Variants in HNRNPU observed in about 807,000 individuals in gnomAD.
The protein encoded by HNRNPU is heterogeneous nuclear ribonucleoprotein U, also known as HNRNPU antisense RNA 1.
In HNRNPU, 5 loss-of-function variants were observed where a neutral mutation model predicts 94.7. That is an observed-to-expected ratio of 0.05 (90% CI 0.03 to 0.11). The LOEUF is 0.11. HNRNPU is among the 10% of genes least tolerant of loss of function. HNRNPU has a pLI of 1.00. For missense variants in HNRNPU, 710 were observed against 1,049.2 expected, an observed-to-expected ratio of 0.68 and a Z score of 4.47; for synonymous variants, 434 against 381.6, an observed-to-expected ratio of 1.14 and a Z score of -1.60.
rs1680540548 is a variant in HNRNPU at position 244,851,222 on chromosome 1, TA to T, written c.*3227del. On this transcript the variant is annotated 3_prime_UTR_variant, in exon 14 of 14. Transcript: ENST00000640218. ...ATGCTAAACACTACCACTTGGACTC[TA>T]AGATATGTTTATGCCTCTCTGTTTA... The T allele has an allele frequency of 6.6e-6, 1 of 152,074 alleles. No homozygotes were observed. The highest frequency in any genetic ancestry group is 1.5e-5 in the Non-Finnish European group (1 of 68,048). 9.4% of individuals were successfully genotyped at this position (152,074 alleles called of 1,614,324 possible). A position where few individuals can be genotyped will look rare whatever the true frequency, so the allele number is the denominator to read the frequency against.
In HNRNPU at chr1:244,863,786, T is replaced by C. The variant is rs773470461; in HGVS notation, c.522A>G (p.Gln174=). ...QPPATQQQQP[Q]QQRGAAKEAA... is the part of the protein sequence containing the mutation. ...CCTCCTTGGCGGCCCCGCGCTGCTGTTGGGGCTGTTGCTGCTGCGTCGCCG... is the reference window on the plus strand; with the variant it reads ...CCTCCTTGGCGGCCCCGCGCTGCTGCTGGGGCTGTTGCTGCTGCGTCGCCG... The change falls in exon 1 of 14, where the codon CAA becomes CAG. Residue 174 remains glutamine (Q), a synonymous_variant. Coordinates refer to ENST00000640218, the MANE Select transcript of HNRNPU (RefSeq NM_031844.3). The C allele has an allele frequency of 1.2e-6, 2 of 1,605,300 alleles. No homozygotes were observed. Among genetic ancestry groups the C allele is most frequent in the Non-Finnish European group, 1.7e-6 (2 of 1,177,334 alleles).
In HNRNPU at chr1:244,864,449, G is replaced by T; in HGVS notation, c.-142C>A. ...GGAGATGGGTTCGTGCTGCAGAGCG[G>T]ATCCGCCTGGTGTCGAACGGCGCCA... On this transcript the variant is annotated 5_prime_UTR_variant, in exon 1 of 14. Coordinates refer to ENST00000640218, the MANE Select transcript of HNRNPU (RefSeq NM_031844.3). 2.1e-6 allele frequency: 3 copies of T among 1,409,152 alleles called. No homozygotes were observed. Among genetic ancestry groups the T allele is most frequent in the Non-Finnish European group, 2.9e-6 (3 of 1,048,432 alleles). The allele number at this position is 1,409,152 out of a possible 1,614,324, so 87.3% of individuals were successfully genotyped here.
chr1:244,860,282 C>G (rs1680792816), intron 4 of HNRNPU, 53 bp downstream of exon 4: 1 of 1,522,232 alleles, frequency 6.6e-7, no homozygotes, highest in African/African-American at 1.4e-5. Context: ...GCCTAGGGAA[C>G]AGAGTGAGAC....
Position 244,855,639 on chromosome 1 carries a change from G to C in HNRNPU, c.2168-31C>G, listed in dbSNP as rs748694049. The C allele has an allele frequency of 2.5e-6, 4 of 1,607,270 alleles. No individual in the cohort carries two copies. The Admixed American group carries it at 5.0e-5, about 20-fold the overall frequency. The stretch of plus-strand genomic sequence containing the variant: ...AGACAAGAGCTGTTTTAGTTTCATT[G>C]TATATTGTACCCTACTTATACAGAA... On this transcript the variant is annotated intron_variant, in intron 11 of 13. Coordinates refer to ENST00000640218, the MANE Select transcript of HNRNPU (RefSeq NM_031844.3).
At chr1:244,858,390 A>G (rs1573332067) in intron 6 of HNRNPU, 116 bp from the exon 7 acceptor site, 1 of 954,094 alleles carries the variant, frequency 1.0e-6, no homozygotes, top group East Asian at 2.6e-5. Context: ...TTAAAGAACT[A>G]TTAGGTGGCC....
Position 244,864,526 on chromosome 1 carries a change from C to G in HNRNPU, c.-219G>C, listed in dbSNP as rs1680950365. 2 of 698,768 alleles carry G rather than the reference C, an allele frequency of 2.9e-6. No homozygotes were observed. Among genetic ancestry groups the G allele is most frequent in the African/African-American group, 1.9e-5 (1 of 52,312 alleles). 43.3% of individuals were successfully genotyped at this position (698,768 alleles called of 1,614,324 possible). A position where few individuals can be genotyped will look rare whatever the true frequency, so the allele number is the denominator to read the frequency against. On this transcript the variant is annotated 5_prime_UTR_variant, in exon 1 of 14. Coordinates refer to ENST00000640218, the MANE Select transcript of HNRNPU (RefSeq NM_031844.3). ...GACGCGGAGACTCGCCTGGCGCGAG[C>G]GAGCACGCAACGTCCTCTCGCAGGA... is the stretch of plus-strand genomic sequence containing the variant.
At chr1:244,859,573 T>C (rs907224924) in intron 4 of HNRNPU, 199 bp from the exon 5 acceptor site, 1 of 389,670 alleles carries the variant, frequency 2.6e-6, no homozygotes, top group Non-Finnish European at 4.5e-6. Flanking sequence ...TAAATACTTA[T>C]TTGACCCATA....
chr1:244,854,808 G>C, intron 13 of HNRNPU, 165 bp downstream of exon 13: 4 of 545,358 alleles, frequency 7.3e-6, no homozygotes. Flanking sequence ...AACCTATTTT[G>C]CCTTCAAAAG....
chr1:244,862,395 T>TAAAAAAAAAAAA lies in HNRNPU; in HGVS notation c.877+54_877+65dup, dbSNP rs56937404. The TAAAAAAAAAAAA allele has an allele frequency of 1.8e-4, 147 of 799,268 alleles. 3 individuals are homozygous for TAAAAAAAAAAAA. The highest frequency in any genetic ancestry group is 1.0e-3 in the Middle Eastern group (3 of 2,858). The allele number at this position is 799,268 out of a possible 1,614,324, so 49.5% of individuals were successfully genotyped here. The stretch of plus-strand genomic sequence containing the variant: ...TGCTGCACTTAAGCATTAAGACTTC[T>TAAAAAAAAAAAA]AAAAAAAAAAAAAAAAAAACCACCA... On this transcript the variant is annotated intron_variant, in intron 3 of 13. Coordinates refer to ENST00000640218, the MANE Select transcript of HNRNPU (RefSeq NM_031844.3).
Position 244,862,749 on chromosome 1 carries a change from C to G in HNRNPU, c.692-19G>C. On this transcript the variant is annotated intron_variant, in intron 1 of 13. Transcript: ENST00000640218. ...CCGTCCCCTAAAACACACACGAGCC[C>G]CATAAAGGCCAAGCCTCTAAACAAC... 6.4e-7 allele frequency: 1 copy of G among 1,573,736 alleles called. No individual in the cohort carries two copies. Among genetic ancestry groups the G allele is most frequent in the Non-Finnish European group, 8.7e-7 (1 of 1,143,224 alleles).
intron 1 of HNRNPU, 55 bp downstream of exon 1, chr1:244,863,562 G>C (rs1276839735): frequency 1.1e-5 from 15 of 1,317,032 alleles, no homozygotes; most frequent in Non-Finnish European, 1.4e-5. Flanking sequence ...CCTGGGGCAC[G>C]GTCCCCACCC....
At position 244,855,480 on chromosome 1, in the gene HNRNPU, A is replaced by C. The variant is rs746732226; in HGVS notation, c.2296T>G (p.Ser766Ala). The C allele has an allele frequency of 3.1e-6, 5 of 1,613,876 alleles. No individual in the cohort carries two copies. Among genetic ancestry groups the C allele is most frequent in the Non-Finnish European group, 4.2e-6 (5 of 1,179,912 alleles). Reference protein sequence around the residue: ...APVFPGRGSYSNRGNYNRGGM... With the variant: ...APVFPGRGSYANRGNYNRGGM... ...CCTCTGTTGTAGTTCCCTCTGTTTG[A>C]GTAACTACCACGGCCAGGAAAAACA... Residue 766 changes from serine (S) to alanine (A), a missense_variant, in exon 12 of 14, where the codon TCA becomes GCA. Physicochemically the swap from Ser to Ala is moderately conservative, Grantham distance 99. Around this residue, in one of 8 missense-constraint regions of HNRNPU, gnomAD observed 152 missense variants for 238.9 expected, o/e 0.64. Coordinates refer to ENST00000640218, the MANE Select transcript of HNRNPU (RefSeq NM_031844.3).
intron 11 of HNRNPU, 109 bp downstream of exon 11, chr1:244,855,795 C>T (rs763323324): frequency 9.0e-6 from 12 of 1,339,856 alleles, no homozygotes; most frequent in Non-Finnish European, 1.2e-5. Context: ...ACTTTAGTTA[C>T]TGTGACAGTA....
chr1:244,857,912 G>A (rs1680722721), intron 7 of HNRNPU, 99 bp downstream of exon 7: 2 of 1,353,294 alleles, frequency 1.5e-6, no homozygotes, highest in Middle Eastern at 1.9e-4. Context: ...ACAGCACAAA[G>A]TAAATGAAAC....
chr1:244,857,295 GAGT>G (rs2102986184), intron 8 of HNRNPU: 1 of 270,872 alleles, frequency 3.7e-6, no homozygotes, highest in East Asian at 7.5e-5. Context: ...GCCCAGACTG[GAGT>G]ACAATGGCAC....
intron 10 of HNRNPU, 108 bp from the exon 11 acceptor site, chr1:244,856,266 AAC>A: frequency 8.0e-7 from 1 of 1,247,630 alleles, no homozygotes; most frequent in Non-Finnish European, 1.1e-6. Flanking sequence ...TAAAAATAAA[AAC>A]AGACCAAACA....
chr1:244,858,884 G>A (rs1473825659), intron 5 of HNRNPU, 43 bp from the exon 6 acceptor site: 6 of 919,342 alleles, frequency 6.5e-6, no homozygotes, highest in Non-Finnish European at 1.1e-5. Context: ...GTTTAAAATA[G>A]TCCAAAGACT....
chr1:244,864,038 T>C lies in HNRNPU; in HGVS notation c.270A>G (p.Glu90=), dbSNP rs776529551. The C allele has an allele frequency of 3.7e-6, 6 of 1,610,152 alleles. No individual in the cohort carries two copies. The highest frequency in any genetic ancestry group is 1.3e-5 in the African/African-American group (1 of 74,900). The change falls in exon 1 of 14, where the codon GAA becomes GAG. Residue 90 remains glutamate, a synonymous_variant. Coordinates refer to ENST00000640218, the MANE Select transcript of HNRNPU (RefSeq NM_031844.3). ...AGGDEEEEEE[E]EEEEGISALD... The stretch of plus-strand genomic sequence containing the variant: ...GAGCGGAGATTCCTTCCTCCTCCTC[T>C]TCCTCTTCCTCCTCCTCTTCATCGC...
chr1:244,860,568 C>G lies in HNRNPU; in HGVS notation c.878-94G>C, dbSNP rs113453595. 7.2e-4 allele frequency: 658 copies of G among 913,400 alleles called. 3 individuals are homozygous for G. In the African/African-American group the frequency reaches 0.01, roughly 14 times the overall value. The allele number at this position is 913,400 out of a possible 1,614,324, so 56.6% of individuals were successfully genotyped here. On this transcript the variant is annotated intron_variant, in intron 3 of 13. Transcript: ENST00000640218. ...CTTGGTTACTTAATTTTTGCATGTA[C>G]TTCTTAATGCTGCACAACTTTTCTC...
Sources: allele counts gnomAD v4.1 joint callset, GRCh38; gene constraint gnomAD v4.1.1; regional missense constraint gnomAD v4.1.1; transcripts MANE v1.5; gene names NCBI Gene and HGNC (gene_info 2026-07-23, HGNC 2026-07-21).